The following CSMD1 variants were observed in gnomAD, a reference collection of about 807,000 sequenced individuals.
The protein encoded by CSMD1 is CUB and Sushi multiple domains 1.
In CSMD1, 213 loss-of-function variants were observed where a neutral mutation model predicts 417.5. That is an observed-to-expected ratio of 0.51 (90% CI 0.46 to 0.57). The LOEUF is 0.57. Ranked by LOEUF, CSMD1 falls within the 20% of genes least tolerant of loss-of-function variation. CSMD1 has a pLI of 0.00. For missense variants in CSMD1, 6,923 were observed against 4,529.7 expected (o/e 1.53, Z -15.17); for synonymous variants, 2,862 against 1,736.8 (o/e 1.65, Z -16.11).
At chr8:3,220,833 C>G (rs1270969094) in intron 28 of CSMD1, among the ~76,000 whole-genome samples, 2 of 152,092 alleles carry the variant, frequency 1.3e-5, no homozygotes, top group African/African-American at 2.4e-5. Context: ...AAACTCATCT[C>G]AAAAACCAAT....
intron 4 of CSMD1, among the ~76,000 whole-genome samples, chr8:4,005,054 C>G (rs1057479361): frequency 1.1e-4 from 17 of 152,126 alleles, no homozygotes; most frequent in African/African-American, 2.2e-4. Context: ...ACCAAACATC[C>G]TATGTTCTCA....
intron 2 of CSMD1, among the ~76,000 whole-genome samples, chr8:4,558,511 TGA>T (rs1238635717): frequency 1.3e-5 from 2 of 152,188 alleles, no homozygotes; most frequent in African/African-American, 4.8e-5. Flanking sequence ...GGGATTCCAC[TGA>T]GCTTAAGACA....
rs143739579 is a variant in CSMD1, at chr8:4,564,795, G to C, written c.302+72547C>G. Among the ~76,000 whole-genome samples the C allele has an allele frequency of 1.6e-4, 24 of 152,308 alleles. No homozygotes were observed. In the South Asian group the frequency reaches 2.1e-3, roughly 13 times the overall value. ...AAGAAATCACTAGAACAAGCACCTA[G>C]AATTTAAAATATTTAGCTTTTTCAC... On this transcript the variant is annotated intron_variant, in intron 2 of 69. Coordinates refer to ENST00000635120, the MANE Select transcript of CSMD1 (RefSeq NM_033225.6).
intron 2 of CSMD1, among the ~76,000 whole-genome samples, chr8:4,559,888 C>T (rs2130606122): frequency 1.3e-5 from 2 of 152,344 alleles, no homozygotes; most frequent in East Asian, 3.9e-4. Flanking sequence ...TCTAGAGCCT[C>T]TTTGGGTAAC....
intron 1 of CSMD1, among the ~76,000 whole-genome samples, chr8:4,768,480 C>T (rs1031933703): frequency 6.6e-6 from 1 of 152,176 alleles, no homozygotes; most frequent in African/African-American, 2.4e-5. Context: ...CTCTTAAAGG[C>T]CTTGGTGCTT....
intron 1 of CSMD1, among the ~76,000 whole-genome samples, chr8:4,705,490 A>C (rs896730369): frequency 6.6e-6 from 1 of 152,212 alleles, no homozygotes; most frequent in Non-Finnish European, 1.5e-5. Flanking sequence ...AATTGCAATT[A>C]TCCTCTCCAA....
chr8:4,526,097 T>C (rs1372346197), intron 2 of CSMD1, among the ~76,000 whole-genome samples: 3 of 152,100 alleles, frequency 2.0e-5, no homozygotes. Flanking sequence ...TAAATAGAGA[T>C]TTGGAAAATG....
chr8:3,739,882 G>A (rs968025096), intron 6 of CSMD1, among the ~76,000 whole-genome samples: 1 of 152,124 alleles, frequency 6.6e-6, no homozygotes. Context: ...AGAATCTCCA[G>A]TAAATAATGC....
chr8:4,076,145 C>A (rs1237970382), intron 3 of CSMD1, among the ~76,000 whole-genome samples: 1 of 152,176 alleles, frequency 6.6e-6, no homozygotes, highest in Non-Finnish European at 1.5e-5. Flanking sequence ...GTAACTGAAT[C>A]ATGCGTGTGG....
Position 3,512,814 on chromosome 8 carries a change from T to A in CSMD1, c.1345-19088A>T, listed in dbSNP as rs1184534537. On this transcript the variant is annotated intron_variant, in intron 10 of 69. Transcript: ENST00000635120. The stretch of plus-strand genomic sequence containing the variant: ...AGAGACAGGGTTTCACCATGTTGGC[T>A]AGGATGGTCTTGATCTCTTCATCCG... 2.0e-5 allele frequency among the ~76,000 whole-genome samples: 3 copies of A among 151,904 alleles called. No homozygotes were observed. The East Asian group carries it at 5.8e-4, about 30-fold the overall frequency.
intron 1 of CSMD1, among the ~76,000 whole-genome samples, chr8:4,683,492 C>T (rs772741568): frequency 6.6e-6 from 1 of 152,112 alleles, no homozygotes; most frequent in African/African-American, 2.4e-5. Context: ...GAGTGGACAA[C>T]AGGGGAGGCT....
At chr8:4,629,706 G>C (rs1012824826) in intron 2 of CSMD1, among the ~76,000 whole-genome samples, 6 of 152,078 alleles carry the variant, frequency 3.9e-5, no homozygotes, top group Admixed American at 2.0e-4. Flanking sequence ...TTACATTGGT[G>C]ATCTAACATA....
chr8:4,931,865 C>T (rs1807271889), intron 1 of CSMD1, among the ~76,000 whole-genome samples: 1 of 152,102 alleles, frequency 6.6e-6, no homozygotes, highest in African/African-American at 2.4e-5. Flanking sequence ...TTCAAAACTT[C>T]AAAGTTTATT....
In CSMD1 at chr8:3,596,589, A is replaced by G. The variant is rs367780294; in HGVS notation, c.1098-10329T>C. On this transcript the variant is annotated intron_variant, in intron 8 of 69. Transcript: ENST00000635120. ...CCTAAATACACAGAGACTGTTCGGC[A>G]AATATTTCCTCCCGGGCTTATATCT... is the stretch of plus-strand genomic sequence containing the variant. Among the ~76,000 whole-genome samples, 227 of 151,980 alleles carry G rather than the reference A, an allele frequency of 1.5e-3. 1 individual carries two copies. Among genetic ancestry groups the G allele is most frequent in the African/African-American group, 5.1e-3 (212 of 41,430 alleles).
chr8:4,612,086 G>A lies in CSMD1; in HGVS notation c.302+25256C>T, dbSNP rs548490311. Among the ~76,000 whole-genome samples, 190 of 152,228 alleles carry A rather than the reference G, an allele frequency of 1.2e-3. 1 individual carries two copies. The highest frequency in any genetic ancestry group is 4.4e-3 in the African/African-American group (182 of 41,540). Reference sequence around the variant, plus strand: ...AGGAGGTGAGGATAGAAGAGTGCTGGGAAGAGGAGGCACAGACTCTTTTCA... The same window carrying A: ...AGGAGGTGAGGATAGAAGAGTGCTGAGAAGAGGAGGCACAGACTCTTTTCA... On this transcript the variant is annotated intron_variant, in intron 2 of 69. Transcript: ENST00000635120.
intron 63 of CSMD1, among the ~76,000 whole-genome samples, chr8:2,956,555 G>A (rs928579120): frequency 1.6e-4 from 24 of 151,964 alleles, no homozygotes; most frequent in African/African-American, 5.6e-4. Flanking sequence ...CTGGGTTCAC[G>A]CCATTCTCCT....
intron 3 of CSMD1, among the ~76,000 whole-genome samples, chr8:4,303,316 C>A (rs577013138): frequency 1.3e-5 from 2 of 151,288 alleles, no homozygotes; most frequent in Non-Finnish European, 2.9e-5. Flanking sequence ...CTGGCACTGA[C>A]AAATGTATTA....
intron 19 of CSMD1, 125 bp downstream of exon 19, chr8:3,369,129 T>A (rs1284336506): frequency 1.8e-6 from 1 of 552,696 alleles, no homozygotes; most frequent in Non-Finnish European, 3.2e-6. Context: ...TAAGTTAAAA[T>A]CTTGAACTAT....
At position 4,458,528 on chromosome 8, in the gene CSMD1, G is replaced by A. The variant is rs143165875; in HGVS notation, c.303-38463C>T. On this transcript the variant is annotated intron_variant, in intron 2 of 69. Coordinates refer to ENST00000635120, the MANE Select transcript of CSMD1 (RefSeq NM_033225.6). ...TGAAAATTCTGTATAGTGTGAAAGA[G>A]GTATGTATTTTCTTAATGTTAACTG... is the stretch of plus-strand genomic sequence containing the variant. Among the ~76,000 whole-genome samples, 491 of 152,016 alleles carry A rather than the reference G, an allele frequency of 3.2e-3. 1 individual carries two copies. The highest frequency in any genetic ancestry group is 4.8e-3 in the Non-Finnish European group (329 of 67,990).
Sources: allele counts gnomAD v4.1 joint callset (sites outside exome capture counted in the v4.1 genomes callset), GRCh38; gene constraint gnomAD v4.1.1; transcripts MANE v1.5; gene names NCBI Gene and HGNC (gene_info 2026-07-23, HGNC 2026-07-21).